The following INSL6 variants were observed in gnomAD, a reference collection of about 807,000 sequenced individuals.
The protein encoded by INSL6 is insulin-like peptide INSL6.
INSL6 carries 16 observed loss-of-function variants against 9.4 expected under a neutral mutation model. The observed-to-expected ratio is 1.70, with a 90% CI of 1.15 to 2.59. The LOEUF is 2.59. Ranked by LOEUF, INSL6 falls within the 30% of genes most tolerant of loss-of-function variation. The pLI, the probability that INSL6 is intolerant of heterozygous loss-of-function variation, is 0.00. For synonymous variants in INSL6, 154 were observed against 96.9 expected (o/e 1.59, Z -3.46); for missense variants, 391 against 257.3 (o/e 1.52, Z -3.56).
chr9:4,993,479 A>C, the INSL6 span, among the ~76,000 whole-genome samples: 1 of 152,214 alleles, frequency 6.6e-6, no homozygotes, highest in Non-Finnish European at 1.5e-5. Flanking sequence ...GAAGAAGCCA[A>C]ATTGCTTTAA....
intron 1 of INSL6, among the ~76,000 whole-genome samples, chr9:5,167,456 G>A (rs1586872856): frequency 6.6e-6 from 1 of 152,226 alleles, no homozygotes; most frequent in African/African-American, 2.4e-5. Flanking sequence ...CAGTTTGGAT[G>A]GGGAGCAATT....
At chr9:5,135,143 A>AAT (rs1824367586) in intron 2 of INSL6, among the ~76,000 whole-genome samples, 1 of 152,116 alleles carries the variant, frequency 6.6e-6, no homozygotes, top group Non-Finnish European at 1.5e-5. Context: ...AACTATCCTA[A>AAT]ATATATATGC....
In INSL6 at chr9:5,177,432, G is replaced by A. The variant is rs559766641; in HGVS notation, c.289+7882C>T. On this transcript the variant is annotated intron_variant, in intron 1 of 1. Transcript: ENST00000381641. Reference sequence around the variant, plus strand: ...TTTGCAGATCAGGAGATCCCATTGTGAGCCCATGCCACTAGGGCCTTGGGT... The same window carrying A: ...TTTGCAGATCAGGAGATCCCATTGTAAGCCCATGCCACTAGGGCCTTGGGT... Among the ~76,000 whole-genome samples the A allele has an allele frequency of 3.9e-5, 6 of 152,288 alleles. 1 individual carries two copies. Among genetic ancestry groups the A allele is most frequent in the Admixed American group, 3.3e-4 (5 of 15,306 alleles).
At chr9:5,074,932 A>G in the INSL6 span, among the ~76,000 whole-genome samples, 10 of 152,156 alleles carry the variant, frequency 6.6e-5, no homozygotes, top group Non-Finnish European at 8.8e-5. Context: ...AAGTCCTTGA[A>G]GGAAACTGAA....
chr9:5,091,856 A>AAATT, the INSL6 span, among the ~76,000 whole-genome samples: 1 of 152,102 alleles, frequency 6.6e-6, no homozygotes, highest in African/African-American at 2.4e-5. Context: ...GTTAGTTATG[A>AAATT]AATTAAGCTC....
chr9:5,054,515 C>T, the INSL6 span: 8 of 1,426,802 alleles, frequency 5.6e-6, no homozygotes, highest in Non-Finnish European at 7.6e-6. The surrounding 1 kb of genome is among the most constrained non-coding windows in gnomAD (Gnocchi z 4.9). Flanking sequence ...ATTTATCTTC[C>T]AATTTTTGTT....
chr9:5,093,099 T>C, the INSL6 span, among the ~76,000 whole-genome samples: 1 of 152,106 alleles, frequency 6.6e-6, no homozygotes, highest in East Asian at 1.9e-4. Context: ...TTAATATAAA[T>C]AACATGAAAA....
At chr9:5,116,228 T>C in the INSL6 span, among the ~76,000 whole-genome samples, 11 of 152,210 alleles carry the variant, frequency 7.2e-5, no homozygotes, top group Admixed American at 7.2e-4. Context: ...GCATGACTAG[T>C]AAATCACTGG....
chr9:5,147,555 G>A (rs978306009), intron 2 of INSL6, among the ~76,000 whole-genome samples: 2 of 152,296 alleles, frequency 1.3e-5, no homozygotes, highest in South Asian at 4.2e-4. Flanking sequence ...ATTTCGGAAT[G>A]GGGTTTCTTG....
chr9:5,114,563 C>A, the INSL6 span: 1 of 489,272 alleles, frequency 2.0e-6, no homozygotes, highest in Admixed American at 2.3e-5. Context: ...CCTGCCTGAT[C>A]CAGAACTTCT....
At chr9:5,020,199 C>G in the INSL6 span, among the ~76,000 whole-genome samples, 2 of 152,148 alleles carry the variant, frequency 1.3e-5, no homozygotes, top group African/African-American at 4.8e-5. Flanking sequence ...TAGGCAAGTC[C>G]TAAAACCTGC....
At chr9:5,172,666 C>T (rs546975690) in intron 1 of INSL6, among the ~76,000 whole-genome samples, 4 of 152,230 alleles carry the variant, frequency 2.6e-5, no homozygotes, top group Non-Finnish European at 4.4e-5. Context: ...CAGTGGCTCA[C>T]GCCTGTAATC....
At chr9:5,133,387 A>G (rs1824327605) in intron 3 of INSL6, 1 of 151,896 alleles carries the variant, frequency 6.6e-6, no homozygotes, top group South Asian at 2.1e-4. Flanking sequence ...TACTGAGCCA[A>G]AAAAAATAGT....
the INSL6 span, among the ~76,000 whole-genome samples, chr9:5,036,848 C>T: frequency 6.6e-6 from 1 of 152,122 alleles, no homozygotes; most frequent in Non-Finnish European, 1.5e-5. Flanking sequence ...CAACAAAAGC[C>T]AGAATTGACA....
chr9:5,031,139 T>C, the INSL6 span, among the ~76,000 whole-genome samples: 1 of 152,248 alleles, frequency 6.6e-6, no homozygotes, highest in East Asian at 1.9e-4. Flanking sequence ...AAGATCAATT[T>C]CTCTTATGCT....
the INSL6 span, chr9:5,085,068 GCT>G: frequency 1.1e-5 from 8 of 698,642 alleles, no homozygotes; most frequent in Non-Finnish European, 1.8e-5. Flanking sequence ...GAAGTTTACT[GCT>G]CTCTCTTATT....
At chr9:5,065,032 C>A in the INSL6 span, 1 of 1,580,252 alleles carries the variant, frequency 6.3e-7, no homozygotes. Context: ...ACTGTCATGG[C>A]CCAATTTCGT....
chr9:5,070,079 CT>C, the INSL6 span: 2 of 1,517,732 alleles, frequency 1.3e-6, no homozygotes, highest in Non-Finnish European at 1.8e-6. Context: ...TCATTACTGT[CT>C]TTTTTGTCCT....
At chr9:5,012,556 AC>A in the INSL6 span, among the ~76,000 whole-genome samples, 1 of 152,172 alleles carries the variant, frequency 6.6e-6, no homozygotes, top group South Asian at 2.1e-4. Context: ...AAGGGAGGCA[AC>A]CCAGCCTTGG....
Sources: gnomAD v4.1 joint callset for allele counts (sites outside exome capture counted in the v4.1 genomes callset) on GRCh38, gnomAD v4.1.1 for gene constraint, Gnocchi (gnomAD v3.1) non-coding constraint, MANE v1.5 for transcripts, NCBI Gene and HGNC (gene_info 2026-07-23, HGNC 2026-07-21) for gene names.